CCDC85C: variants seen among roughly 807,000 people sequenced by gnomAD.
The protein encoded by CCDC85C is coiled-coil domain-containing protein 85C.
Under a neutral mutation model 38.3 loss-of-function variants are expected in CCDC85C, and 18 were observed. The ratio of observed to expected loss-of-function variants is 0.47; its 90% CI spans 0.33 to 0.70. CCDC85C has a LOEUF of 0.70. Among genes scored for constraint, CCDC85C ranks in the 30% least tolerant of loss-of-function variants. The pLI is 0.03. For synonymous variants in CCDC85C, 264 were observed against 293.8 expected, an observed-to-expected ratio of 0.90 and a Z score of 1.04; for missense variants, 566 against 621.2, an observed-to-expected ratio of 0.91 and a Z score of 0.94.
At chr14:99,584,006 GGGGAAGCTGGCGGAA>G (rs1271225774) in intron 1 of CCDC85C, among the ~76,000 whole-genome samples, 2 of 152,006 alleles carry the variant, frequency 1.3e-5, no homozygotes, top group African/African-American at 4.8e-5. Flanking sequence ...GTCACCATTG[GGGGAAGCTGGCGGAA>G]GGGTATGCAG....
At chr14:99,561,219 T>G (rs951626785) in intron 1 of CCDC85C, among the ~76,000 whole-genome samples, 1 of 152,042 alleles carries the variant, frequency 6.6e-6, no homozygotes, top group Non-Finnish European at 1.5e-5. Context: ...GGAGGAAAAC[T>G]CTGAAAGGTC....
chr14:99,534,513 C>G lies in CCDC85C; in HGVS notation c.867+1502G>C, dbSNP rs953317185. The G allele has an allele frequency of 4.8e-6, 3 of 629,696 alleles. No homozygotes were observed. In the African/African-American group the frequency reaches 5.5e-5, roughly 12 times the overall value. The allele number at this position is 629,696 out of a possible 1,614,324, so 39.0% of individuals were successfully genotyped here. On this transcript the variant is annotated intron_variant, in intron 2 of 5. Transcript: ENST00000380243. ...ACCCGGGGGCCCGAGCTTCAGCCACCAGAGCATGGTCCTGGCCCTTGCTCT... is the reference window on the plus strand; with the variant it reads ...ACCCGGGGGCCCGAGCTTCAGCCACGAGAGCATGGTCCTGGCCCTTGCTCT...
chr14:99,526,900 G>C (rs1199197301), intron 2 of CCDC85C, among the ~76,000 whole-genome samples: 1 of 152,212 alleles, frequency 6.6e-6, no homozygotes, highest in East Asian at 1.9e-4. Context: ...AGCAGCTCCA[G>C]GGGCAGCTGG....
In CCDC85C at chr14:99,581,819, C is replaced by T. The variant is rs142333604; in HGVS notation, c.793+21348G>A. Among the ~76,000 whole-genome samples, 118 of 152,310 alleles carry T rather than the reference C, an allele frequency of 7.7e-4. 1 individual carries two copies. Among genetic ancestry groups the T allele is most frequent in the African/African-American group, 2.7e-3 (111 of 41,568 alleles). The stretch of plus-strand genomic sequence containing the variant: ...TTTAAACCGTGCCATCTTCGGGCTG[C>T]GTGGTGGATAAGGAGCTGGTCAGAA... On this transcript the variant is annotated intron_variant, in intron 1 of 5. Transcript: ENST00000380243.
chr14:99,521,728 C>T (rs1022690230), intron 3 of CCDC85C, among the ~76,000 whole-genome samples: 2 of 152,192 alleles, frequency 1.3e-5, no homozygotes, highest in African/African-American at 4.8e-5. Context: ...CCCTCCAGGC[C>T]AGGTCAGCCA....
At chr14:99,529,405 GTTTTA>G (rs1402935743) in intron 2 of CCDC85C, among the ~76,000 whole-genome samples, 5 of 151,896 alleles carry the variant, frequency 3.3e-5, no homozygotes, top group Admixed American at 2.0e-4. Context: ...TTTTTGTTTT[GTTTTA>G]TTTTGTTTTT....
At chr14:99,551,857 G>A (rs1897918883) in intron 1 of CCDC85C, among the ~76,000 whole-genome samples, 3 of 152,188 alleles carry the variant, frequency 2.0e-5, no homozygotes, top group Admixed American at 2.0e-4. Flanking sequence ...AGAGCCTCTA[G>A]GGAAAAGGGC....
chr14:99,546,190 C>G (rs1264093335), intron 1 of CCDC85C, among the ~76,000 whole-genome samples: 1 of 151,992 alleles, frequency 6.6e-6, no homozygotes, highest in East Asian at 1.9e-4. Flanking sequence ...AGATGTCAAC[C>G]AAATCTCTAT....
chr14:99,536,905 C>A (rs927005344), intron 1 of CCDC85C, among the ~76,000 whole-genome samples: 1 of 152,220 alleles, frequency 6.6e-6, no homozygotes, highest in Admixed American at 6.5e-5. Flanking sequence ...TGCCTCCCCC[C>A]AGGCTGGGAG....
intron 1 of CCDC85C, among the ~76,000 whole-genome samples, chr14:99,589,458 C>T (rs769453648): frequency 2.0e-5 from 3 of 152,194 alleles, no homozygotes; most frequent in Non-Finnish European, 2.9e-5. Context: ...CTCCCGACCA[C>T]GAACGTGCAT....
rs1897108927 is a variant in CCDC85C at position 99,510,707 on chromosome 14, T to C, written c.*4539A>G. 2.2e-6 allele frequency: 3 copies of C among 1,349,694 alleles called. No individual in the cohort carries two copies. The highest frequency in any genetic ancestry group is 3.6e-5 in the South Asian group (2 of 55,204). 83.6% of individuals were successfully genotyped at this position (1,349,694 alleles called of 1,614,324 possible). On this transcript the variant is annotated 3_prime_UTR_variant, in exon 6 of 6. Coordinates refer to ENST00000380243, the MANE Select transcript of CCDC85C (RefSeq NM_001144995.2). ...CTGCCGTCCCCCCTGGAGGACAGCCTCCTGTGCCCCCGCCCATTCCCCCAC... is the reference window on the plus strand; with the variant it reads ...CTGCCGTCCCCCCTGGAGGACAGCCCCCTGTGCCCCCGCCCATTCCCCCAC...
chr14:99,561,487 G>A (rs1019849842), intron 1 of CCDC85C, among the ~76,000 whole-genome samples: 5 of 152,172 alleles, frequency 3.3e-5, no homozygotes, highest in African/African-American at 1.2e-4. Flanking sequence ...TCCCTCCAGG[G>A]GACACCTACA....
At chr14:99,522,576 C>T (rs1897318531) in intron 2 of CCDC85C, 2 of 210,566 alleles carry the variant, frequency 9.5e-6, no homozygotes, top group South Asian at 1.6e-4. Flanking sequence ...ACCCTGGCTC[C>T]TCCGCTCCAA....
At chr14:99,583,365 G>A (rs984041999) in intron 1 of CCDC85C, among the ~76,000 whole-genome samples, 6 of 152,178 alleles carry the variant, frequency 3.9e-5, no homozygotes, top group South Asian at 4.1e-4. Flanking sequence ...TTAGCTGGGC[G>A]TGGTGGCACA....
intron 2 of CCDC85C, among the ~76,000 whole-genome samples, chr14:99,534,041 C>T (rs995993837): frequency 1.2e-4 from 19 of 152,266 alleles, no homozygotes; most frequent in Admixed American, 6.5e-4. Context: ...GGTTGGACCG[C>T]AGAACACATT....
Position 99,506,779 on chromosome 14 carries a change from T to G in CCDC85C, c.*8467A>C. ...CATGCTCATGAAGACGTTGCTCTGC[T>G]GGTCTCACATGGTCGGAAGGACTTG... On this transcript the variant is annotated 3_prime_UTR_variant, in exon 6 of 6. Coordinates refer to ENST00000380243, the MANE Select transcript of CCDC85C (RefSeq NM_001144995.2). 7.6e-6 allele frequency: 3 copies of G among 396,674 alleles called. No homozygotes were observed. The highest frequency in any genetic ancestry group is 6.6e-5 in the South Asian group (3 of 45,296). The allele number at this position is 396,674 out of a possible 1,614,324, so 24.6% of individuals were successfully genotyped here.
chr14:99,560,307 G>A (rs185862900), intron 1 of CCDC85C, among the ~76,000 whole-genome samples: 158 of 152,350 alleles, frequency 1.0e-3, no homozygotes, highest in African/African-American at 3.6e-3. Context: ...GGAGGTGGGA[G>A]GGTCTGGGCC....
chr14:99,592,315 A>G (rs1484605430), intron 1 of CCDC85C, among the ~76,000 whole-genome samples: 1 of 152,182 alleles, frequency 6.6e-6, no homozygotes, highest in Non-Finnish European at 1.5e-5. Flanking sequence ...GCAGGGGAGC[A>G]GGAGTGCAGG....
In CCDC85C at chr14:99,536,173, C is replaced by A. The variant is rs1595348554; in HGVS notation, c.794-85G>T. 6.1e-6 allele frequency: 6 copies of A among 988,086 alleles called. No individual in the cohort carries two copies. In the East Asian group the frequency reaches 1.6e-4, roughly 26 times the overall value. The allele number at this position is 988,086 out of a possible 1,614,324, so 61.2% of individuals were successfully genotyped here. A position where few individuals can be genotyped will look rare whatever the true frequency, so the allele number is the denominator to read the frequency against. ...CAACCCCGACTGGCCCCAGACCCGG[C>A]ATGGAAGGTTTGGGTCTGAGGAGTC... is the stretch of plus-strand genomic sequence containing the variant. On this transcript the variant is annotated intron_variant, in intron 1 of 5. Transcript: ENST00000380243.
Sources: gnomAD v4.1 joint callset for allele counts (sites outside exome capture counted in the v4.1 genomes callset) on GRCh38, gnomAD v4.1.1 for gene constraint, MANE v1.5 for transcripts, NCBI Gene and HGNC (gene_info 2026-07-23, HGNC 2026-07-21) for gene names.